Variants in DOK6 observed in about 807,000 individuals in gnomAD.
The protein encoded by DOK6 is docking protein 6, also known as downstream of tyrosine kinase 6.
Under a neutral mutation model 44.0 loss-of-function variants are expected in DOK6, and 22 were observed. That is an observed-to-expected ratio of 0.50 (90% CI 0.36 to 0.71). The LOEUF is 0.71. DOK6 is among the 30% of genes least tolerant of loss of function. DOK6 has a pLI of 0.00. For synonymous variants in DOK6, 166 were observed against 145.5 expected (o/e 1.14, Z -1.01); for missense variants, 340 against 416.4 (o/e 0.82, Z 1.60).
intron 3 of DOK6, among the ~76,000 whole-genome samples, chr18:69,629,880 T>A (rs1216806140): frequency 6.6e-6 from 1 of 152,172 alleles, no homozygotes; most frequent in African/African-American, 2.4e-5. Flanking sequence ...AATTTCTGCC[T>A]CCCAGGTTCA....
intron 1 of DOK6, among the ~76,000 whole-genome samples, chr18:69,548,053 A>G (rs1465476601): frequency 1.3e-5 from 2 of 150,288 alleles, no homozygotes; most frequent in African/African-American, 4.9e-5. Flanking sequence ...TCCCAGGTTC[A>G]CTCCATTCTC....
intron 3 of DOK6, among the ~76,000 whole-genome samples, chr18:69,601,111 A>G (rs1365119945): frequency 6.6e-6 from 1 of 152,186 alleles, no homozygotes; most frequent in East Asian, 1.9e-4. Context: ...AAATTTCTAT[A>G]TTCTTGGAAG....
intron 1 of DOK6, among the ~76,000 whole-genome samples, chr18:69,414,030 C>T (rs1978317695): frequency 1.3e-5 from 2 of 151,932 alleles, no homozygotes; most frequent in South Asian, 4.1e-4. Flanking sequence ...CAAATTAAAA[C>T]TACCAAGAGA....
At chr18:69,613,268 T>C (rs1402600633) in intron 3 of DOK6, among the ~76,000 whole-genome samples, 1 of 152,170 alleles carries the variant, frequency 6.6e-6, no homozygotes, top group East Asian at 1.9e-4. Context: ...TGTGTGCATG[T>C]GTGTGTAAAA....
chr18:69,526,567 T>C (rs1599174001), intron 1 of DOK6, among the ~76,000 whole-genome samples: 1 of 152,326 alleles, frequency 6.6e-6, no homozygotes, highest in East Asian at 1.9e-4. Flanking sequence ...GTACAAGTTT[T>C]TGTGTGTACA....
At chr18:69,745,470 A>G (rs1167229161) in intron 6 of DOK6, among the ~76,000 whole-genome samples, 1 of 152,210 alleles carries the variant, frequency 6.6e-6, no homozygotes, top group African/African-American at 2.4e-5. Context: ...GCTATAAAAC[A>G]GAAGTATTTT....
Position 69,400,946 on chromosome 18 carries a change from G to A in DOK6, c.-299G>A, listed in dbSNP as rs1916080808. ...GCTGCCGGGGGCGGCGGCGCGGTGG[G>A]GGCTCCCGCAGCTGGCGGAGGCGCG... On this transcript the variant is annotated 5_prime_UTR_variant, in exon 1 of 8. Transcript: ENST00000382713. 6.8e-6 allele frequency: 1 copy of A among 146,804 alleles called. No individual in the cohort carries two copies. The highest frequency in any genetic ancestry group is 2.4e-5 in the African/African-American group (1 of 40,832). 9.1% of individuals were successfully genotyped at this position (146,804 alleles called of 1,614,324 possible). A position where few individuals can be genotyped will look rare whatever the true frequency, so the allele number is the denominator to read the frequency against.
At chr18:69,603,379 G>C (rs1226744070) in intron 3 of DOK6, among the ~76,000 whole-genome samples, 1 of 152,084 alleles carries the variant, frequency 6.6e-6, no homozygotes, top group East Asian at 1.9e-4. Flanking sequence ...GTAGACATTT[G>C]TTACCAGTCT....
rs1362019723 is a variant in DOK6, at chr18:69,845,160, G to A, written c.*3777G>A. 6.6e-6 allele frequency: 1 copy of A among 152,150 alleles called. No individual in the cohort carries two copies. Among genetic ancestry groups the A allele is most frequent in the Non-Finnish European group, 1.5e-5 (1 of 68,030 alleles). 9.4% of individuals were successfully genotyped at this position (152,150 alleles called of 1,614,324 possible). A position where few individuals can be genotyped will look rare whatever the true frequency, so the allele number is the denominator to read the frequency against. On this transcript the variant is annotated 3_prime_UTR_variant, in exon 8 of 8. Transcript: ENST00000382713. The stretch of plus-strand genomic sequence containing the variant: ...CCATTTACTAAAATTGGCCATTAGT[G>A]ATACAGTGAAAACAAGCTAAGGAAA...
intron 7 of DOK6, among the ~76,000 whole-genome samples, chr18:69,772,237 C>T (rs75464763): frequency 0.019 from 2,813 of 151,940 alleles, 77 homozygotes; most frequent in African/African-American, 0.064. Flanking sequence ...AGTGGAAAGA[C>T]ATCTTGTATT....
intron 1 of DOK6, among the ~76,000 whole-genome samples, chr18:69,488,690 C>G (rs1251789090): frequency 2.0e-5 from 3 of 152,098 alleles, no homozygotes; most frequent in Non-Finnish European, 4.4e-5. Context: ...GACTTATTCA[C>G]TATCAGAAGA....
chr18:69,425,369 G>A (rs1203090874), intron 1 of DOK6, among the ~76,000 whole-genome samples: 3 of 151,904 alleles, frequency 2.0e-5, no homozygotes, highest in African/African-American at 4.8e-5. Flanking sequence ...TTTTCTAGAT[G>A]TCCTAAACAC....
intron 3 of DOK6, among the ~76,000 whole-genome samples, chr18:69,649,499 A>G (rs528106086): frequency 2.6e-5 from 4 of 152,336 alleles, no homozygotes; most frequent in Non-Finnish European, 4.4e-5. Context: ...TTTAGGATAA[A>G]TGAACGTAAT....
intron 5 of DOK6, among the ~76,000 whole-genome samples, chr18:69,723,970 C>T (rs756921515): frequency 1.5e-4 from 23 of 152,166 alleles, no homozygotes; most frequent in Admixed American, 6.5e-4. Flanking sequence ...TAGTGCACCG[C>T]AACCTTGTAA....
intron 1 of DOK6, among the ~76,000 whole-genome samples, chr18:69,557,483 A>G (rs1568295830): frequency 6.6e-6 from 1 of 152,192 alleles, no homozygotes; most frequent in African/African-American, 2.4e-5. Flanking sequence ...AAAAGGAGAA[A>G]GAACTAAGGA....
chr18:69,583,001 C>G (rs1330311286), intron 2 of DOK6, among the ~76,000 whole-genome samples: 1 of 152,200 alleles, frequency 6.6e-6, no homozygotes, highest in Non-Finnish European at 1.5e-5. Flanking sequence ...CTCATTATCT[C>G]AAACAGTGCT....
intron 5 of DOK6, chr18:69,705,285 CTT>C (rs1297620468): frequency 6.6e-6 from 1 of 152,176 alleles, no homozygotes; most frequent in Non-Finnish European, 1.5e-5. Context: ...CCCTGTAAAA[CTT>C]TGTCAAAATA....
intron 1 of DOK6, among the ~76,000 whole-genome samples, chr18:69,413,754 T>C (rs1472472492): frequency 1.3e-5 from 2 of 151,934 alleles, no homozygotes; most frequent in African/African-American, 4.8e-5. Context: ...TTTCATCTTA[T>C]TGAAATTAAA....
intron 7 of DOK6, among the ~76,000 whole-genome samples, chr18:69,790,506 T>A (rs887713238): frequency 4.6e-5 from 7 of 152,172 alleles, no homozygotes; most frequent in African/African-American, 1.7e-4. Flanking sequence ...AATTATACAA[T>A]CTGAAGCATG....
Sources: allele counts gnomAD v4.1 joint callset (sites outside exome capture counted in the v4.1 genomes callset), GRCh38; gene constraint gnomAD v4.1.1; transcripts MANE v1.5; gene names NCBI Gene and HGNC (gene_info 2026-07-23, HGNC 2026-07-21).